GNE: variants seen among roughly 807,000 people sequenced by gnomAD.
GNE encodes the protein bifunctional UDP-N-acetylglucosamine 2-epimerase/N-acetylmannosamine kinase.
A neutral mutation model predicts 61.8 loss-of-function variants in GNE; 41 were observed. The ratio of observed to expected loss-of-function variants is 0.66; its 90% CI spans 0.52 to 0.86. GNE has a LOEUF of 0.86. Among genes scored for constraint, GNE ranks in the 40% least tolerant of loss-of-function variants. The pLI is 0.00. For synonymous variants in GNE, 264 were observed against 326.4 expected, an observed-to-expected ratio of 0.81 and a Z score of 2.06; for missense variants, 608 against 909.1, an observed-to-expected ratio of 0.67 and a Z score of 4.26.
At chr9:36,223,055 TGCTG>T in intron 8 of GNE, 57 bp from the exon 9 acceptor site, 1 of 1,481,636 alleles carries the variant, frequency 6.7e-7, no homozygotes, top group Non-Finnish European at 9.4e-7. Context: ...CAGGAAAGTA[TGCTG>T]ACTTTCTTGT....
chr9:36,235,908 GTGT>G (rs975558287), intron 4 of GNE, among the ~76,000 whole-genome samples: 14 of 152,162 alleles, frequency 9.2e-5, no homozygotes, highest in African/African-American at 3.4e-4. Context: ...AAATTCTTCA[GTGT>G]TAGGCTATGT....
chr9:36,250,182 A>G lies in GNE; in HGVS notation c.-42-785T>C, dbSNP rs967543683. 3.9e-5 allele frequency among the ~76,000 whole-genome samples: 6 copies of G among 152,154 alleles called. No homozygotes were observed. The South Asian group carries it at 1.2e-3, about 32-fold the overall frequency. ...TGAGAGGGAAAATTACTGCCCCAAC[A>G]TTCCAGATCATGTCTCATAAGGAAC... is the stretch of plus-strand genomic sequence containing the variant. On this transcript the variant is annotated intron_variant, in intron 1 of 11. Transcript: ENST00000642385.
chr9:36,228,810 A>T (rs2769156), intron 6 of GNE, among the ~76,000 whole-genome samples: 1 of 151,706 alleles, frequency 6.6e-6, no homozygotes, highest in South Asian at 2.1e-4. Flanking sequence ...AAAAAAAAAA[A>T]AAAGAAATAA....
At chr9:36,231,036 C>A (rs1441196643) in intron 5 of GNE, among the ~76,000 whole-genome samples, 1 of 136,548 alleles carries the variant, frequency 7.3e-6, no homozygotes, top group African/African-American at 2.8e-5. Context: ...TTGATCACAA[C>A]CAGTTCCTCC....
chr9:36,243,291 C>T (rs541120436), intron 3 of GNE, among the ~76,000 whole-genome samples: 31 of 152,164 alleles, frequency 2.0e-4, no homozygotes, highest in African/African-American at 7.0e-4. Context: ...GTGATCTGCC[C>T]ACTTTGGCCT....
intron 1 of GNE, among the ~76,000 whole-genome samples, chr9:36,273,649 A>T (rs1028587209): frequency 2.0e-5 from 3 of 146,618 alleles, no homozygotes; most frequent in African/African-American, 7.7e-5. Context: ...ACTCTTGGCC[A>T]ATTTGGAACT....
chr9:36,263,955 C>T (rs1477357617), intron 1 of GNE, among the ~76,000 whole-genome samples: 2 of 152,002 alleles, frequency 1.3e-5, no homozygotes, highest in African/African-American at 2.4e-5. Context: ...GAGGACTGGC[C>T]AGTTGGAAAT....
At chr9:36,266,139 C>T (rs1004311363) in intron 1 of GNE, among the ~76,000 whole-genome samples, 1 of 152,066 alleles carries the variant, frequency 6.6e-6, no homozygotes, top group South Asian at 2.1e-4. Context: ...TCATGTTGGC[C>T]AGGCTGGTCG....
chr9:36,235,553 T>C (rs1043259853), intron 4 of GNE, among the ~76,000 whole-genome samples: 3 of 152,198 alleles, frequency 2.0e-5, no homozygotes, highest in Non-Finnish European at 2.9e-5. Context: ...ATAAACAGAA[T>C]ATATCATTGA....
chr9:36,261,922 CAAAA>C (rs34856029), upstream of GNE, among the ~76,000 whole-genome samples: 3 of 129,974 alleles, frequency 2.3e-5, no homozygotes, highest in Non-Finnish European at 3.3e-5. Context: ...GACTCAATCT[CAAAA>C]AAAAAAAAAA....
intron 1 of GNE, chr9:36,264,910 T>G (rs752115681): frequency 6.4e-6 from 1 of 157,458 alleles, no homozygotes; most frequent in Non-Finnish European, 1.4e-5. Flanking sequence ...TCCCTTTGTA[T>G]GGGAGCTGTG....
intron 1 of GNE, among the ~76,000 whole-genome samples, chr9:36,266,616 A>C (rs974438966): frequency 6.6e-6 from 1 of 151,856 alleles, no homozygotes; most frequent in African/African-American, 2.4e-5. Context: ...TCTACTAAAA[A>C]TACAAAAATT....
In GNE at chr9:36,246,088, C is replaced by T. The variant is rs1384881705; in HGVS notation, c.559G>A (p.Asp187Asn). ...RILLAGCPSYDKLLSAKNKDY... is the reference protein window; with the variant it reads ...RILLAGCPSYNKLLSAKNKDY... ...TTGTTCTTGGCTGAGAGAAGTTTGT[C>T]ATAGGAAGGGCAGCCTGCCAAAAGG... The change falls in exon 3 of 12, where the codon GAC becomes AAC. Residue 187 changes from aspartate to asparagine, a missense_variant. Asp to Asn is a conservative substitution (Grantham distance 23). Coordinates refer to ENST00000642385, the MANE Select transcript of GNE (RefSeq NM_005476.7). The T allele has an allele frequency of 1.9e-6, 3 of 1,614,176 alleles. No individual in the cohort carries two copies. The highest frequency in any genetic ancestry group is 2.5e-6 in the Non-Finnish European group (3 of 1,180,028).
intron 3 of GNE, among the ~76,000 whole-genome samples, chr9:36,244,398 ATT>A (rs1401503630): frequency 6.6e-6 from 1 of 152,208 alleles, no homozygotes; most frequent in Non-Finnish European, 1.5e-5. Context: ...ACCAACTGAC[ATT>A]CTGTTTGTAA....
chr9:36,250,301 C>T (rs1830063446), intron 1 of GNE, among the ~76,000 whole-genome samples: 1 of 152,170 alleles, frequency 6.6e-6, no homozygotes, highest in Non-Finnish European at 1.5e-5. Flanking sequence ...AAAAACCTGA[C>T]CTTCAAGCCC....
chr9:36,266,376 C>T (rs566602907), intron 1 of GNE, among the ~76,000 whole-genome samples: 2 of 152,206 alleles, frequency 1.3e-5, no homozygotes, highest in Non-Finnish European at 2.9e-5. Flanking sequence ...TTTATAGCCT[C>T]CCCAGAAAAG....
chr9:36,246,333 T>C lies in GNE; in HGVS notation c.314A>G (p.Asp105Gly). ...LPDVLNRLKP[D>G]IMIVHGDRFD... is the part of the protein sequence containing the mutation. ...CCTGTCTCCATGAACAATCATGATA[T>C]CAGGCTTCAGGCGATTAAGGACATC... The change falls in exon 3 of 12, where the codon GAT becomes GGT. Residue 105 changes from aspartate to glycine, a missense_variant. Coordinates refer to ENST00000642385, the MANE Select transcript of GNE (RefSeq NM_005476.7). 6.2e-7 allele frequency: 1 copy of C among 1,614,164 alleles called. No individual in the cohort carries two copies. The highest frequency in any genetic ancestry group is 8.5e-7 in the Non-Finnish European group (1 of 1,179,980).
intron 10 of GNE, among the ~76,000 whole-genome samples, 200 bp downstream of exon 10, chr9:36,219,638 A>G (rs1828492685): frequency 6.6e-6 from 1 of 152,108 alleles, no homozygotes; most frequent in African/African-American, 2.4e-5. Flanking sequence ...TCTGTCCACC[A>G]CCACCCCTGG....
At position 36,217,234 on chromosome 9, in the gene GNE, A is replaced by AT. The variant is rs1587270115; in HGVS notation, c.*130_*131insA. On this transcript the variant is annotated 3_prime_UTR_variant, in exon 12 of 12. Coordinates refer to ENST00000642385, the MANE Select transcript of GNE (RefSeq NM_005476.7). Reference sequence around the variant, plus strand: ...CTCTGGAAGAGGAGACCAAAAGTGAAAACATTTCTCTGCCAAAGTCACCTG... The same window carrying AT: ...CTCTGGAAGAGGAGACCAAAAGTGAATAACATTTCTCTGCCAAAGTCACCTG... 4 of 722,352 alleles carry AT rather than the reference A, an allele frequency of 5.5e-6. No homozygotes were observed. In the East Asian group the frequency reaches 1.1e-4, roughly 19 times the overall value. 44.7% of individuals were successfully genotyped at this position (722,352 alleles called of 1,614,324 possible).
Sources: allele counts gnomAD v4.1 joint callset (sites outside exome capture counted in the v4.1 genomes callset), GRCh38; gene constraint gnomAD v4.1.1; transcripts MANE v1.5; gene names NCBI Gene and HGNC (gene_info 2026-07-23, HGNC 2026-07-21).